Variants in GRID1 observed in about 807,000 individuals in gnomAD.
The protein encoded by GRID1 is glutamate receptor ionotropic, delta-1.
A neutral mutation model predicts 98.0 loss-of-function variants in GRID1; 28 were observed. The observed-to-expected ratio is 0.29, with a 90% CI of 0.21 to 0.39. The LOEUF is 0.39. GRID1 is among the 10% of genes least tolerant of loss of function. The pLI, the probability that GRID1 is intolerant of heterozygous loss-of-function variation, is 1.00. For synonymous variants in GRID1, 553 were observed against 538.5 expected (o/e 1.03, Z -0.37); for missense variants, 1,111 against 1,340.5 (o/e 0.83, Z 2.67).
rs530574128 is a variant in GRID1 at position 86,345,589 on chromosome 10, T to A, written c.235+18352A>T. Among the ~76,000 whole-genome samples the A allele has an allele frequency of 5.9e-5, 9 of 152,272 alleles. 1 individual carries two copies. The highest frequency in any genetic ancestry group is 2.2e-4 in the African/African-American group (9 of 41,552). ...GGGATCCTCAGGGAGCGGCCCTGAA[T>A]CCAGAGCACAGATGCCTGCAGAGGC... On this transcript the variant is annotated intron_variant, in intron 2 of 15. Transcript: ENST00000327946.
chr10:85,926,503 C>G (rs553464081), intron 4 of GRID1, among the ~76,000 whole-genome samples: 1 of 152,294 alleles, frequency 6.6e-6, no homozygotes, highest in African/African-American at 2.4e-5. Context: ...TGGCCAAGAG[C>G]TTAGTTTTTC....
intron 5 of GRID1, among the ~76,000 whole-genome samples, chr10:85,881,913 C>A (rs35782807): frequency 0.25 from 37,936 of 151,630 alleles, 4,841 homozygotes; most frequent in African/African-American, 0.29. Context: ...ACAAGAACTC[C>A]AACAAATTTA....
intron 6 of GRID1, among the ~76,000 whole-genome samples, chr10:85,861,363 C>T (rs12244875): frequency 1.2e-3 from 189 of 152,338 alleles, no homozygotes; most frequent in African/African-American, 4.3e-3. Flanking sequence ...CTCCTCCAGG[C>T]CCCAGCAGCA....
At chr10:86,178,376 G>A (rs868266335) in intron 3 of GRID1, among the ~76,000 whole-genome samples, 1 of 152,180 alleles carries the variant, frequency 6.6e-6, no homozygotes, top group African/African-American at 2.4e-5. Context: ...GAGGACAGGG[G>A]GAGAAGAAGC....
intron 2 of GRID1, among the ~76,000 whole-genome samples, chr10:86,300,864 C>A (rs919598276): frequency 1.3e-5 from 2 of 152,098 alleles, no homozygotes; most frequent in African/African-American, 4.8e-5. Context: ...GTCCGGGAAG[C>A]CTGGGCTAGG....
intron 4 of GRID1, among the ~76,000 whole-genome samples, chr10:85,980,760 G>A (rs1842535176): frequency 6.6e-6 from 1 of 152,170 alleles, no homozygotes; most frequent in Admixed American, 6.5e-5. Flanking sequence ...ATGAATTGAG[G>A]CCCAAACTTG....
chr10:86,245,521 T>TGCTTTACTCCATTCCTCCTCTACCATTC (rs1564717426), intron 2 of GRID1, among the ~76,000 whole-genome samples: 1 of 13,218 alleles, frequency 7.6e-5, no homozygotes, highest in East Asian at 4.7e-4. Flanking sequence ...CTCTACCATT[T>TGCTTTACTCCATTCCTCCTCTACCATTC]GCTTTACTCC....
intron 2 of GRID1, among the ~76,000 whole-genome samples, chr10:86,219,407 C>T (rs1248480254): frequency 2.0e-5 from 3 of 152,232 alleles, no homozygotes; most frequent in Admixed American, 6.5e-5. Flanking sequence ...GGTCCCTCTT[C>T]AAGGGCCATC....
At chr10:86,342,144 T>G (rs892945128) in intron 2 of GRID1, among the ~76,000 whole-genome samples, 6 of 152,128 alleles carry the variant, frequency 3.9e-5, no homozygotes, top group Non-Finnish European at 7.4e-5. Flanking sequence ...TGAAGGACCC[T>G]CAGTCAGTGG....
At chr10:85,878,753 C>A (rs964100767) in intron 5 of GRID1, among the ~76,000 whole-genome samples, 1 of 151,988 alleles carries the variant, frequency 6.6e-6, no homozygotes, top group Non-Finnish European at 1.5e-5. Flanking sequence ...ATGACAGGAT[C>A]AAATTCACAC....
At chr10:86,268,217 A>G (rs1466717978) in intron 2 of GRID1, among the ~76,000 whole-genome samples, 1 of 152,118 alleles carries the variant, frequency 6.6e-6, no homozygotes, top group Admixed American at 6.5e-5. Context: ...ATGCTCCCCA[A>G]CTCCTCAGAG....
intron 4 of GRID1, among the ~76,000 whole-genome samples, chr10:86,098,658 T>C (rs1336320977): frequency 6.6e-6 from 1 of 152,232 alleles, no homozygotes; most frequent in Non-Finnish European, 1.5e-5. Context: ...AAGTGTTCAT[T>C]TTACCAAAGT....
chr10:86,151,217 G>T (rs1845163931), intron 3 of GRID1, among the ~76,000 whole-genome samples: 1 of 152,128 alleles, frequency 6.6e-6, no homozygotes, highest in African/African-American at 2.4e-5. Flanking sequence ...AGGCAGGTTT[G>T]CAAACCCCAT....
chr10:86,239,056 A>G (rs547020381), intron 2 of GRID1, among the ~76,000 whole-genome samples: 32 of 152,352 alleles, frequency 2.1e-4, no homozygotes, highest in African/African-American at 7.2e-4. Flanking sequence ...GAAAAGCCAC[A>G]GGCACTCAAC....
chr10:86,184,856 A>G (rs1845706992), intron 3 of GRID1, among the ~76,000 whole-genome samples: 2 of 152,206 alleles, frequency 1.3e-5, no homozygotes, highest in South Asian at 4.1e-4. Context: ...ATAAACTAGC[A>G]ATGGACAATT....
chr10:86,027,753 TAC>T (rs1843134296), intron 4 of GRID1, among the ~76,000 whole-genome samples: 1 of 152,226 alleles, frequency 6.6e-6, no homozygotes, highest in Non-Finnish European at 1.5e-5. Context: ...TTGTTTTGCC[TAC>T]ACATCAGACA....
intron 4 of GRID1, among the ~76,000 whole-genome samples, chr10:86,036,790 T>G (rs1053357005): frequency 5.3e-5 from 8 of 152,212 alleles, no homozygotes; most frequent in Non-Finnish European, 1.2e-4. Context: ...CACACACTTG[T>G]GACCCAGGTA....
At chr10:86,120,041 C>T (rs905547882) in intron 4 of GRID1, among the ~76,000 whole-genome samples, 2 of 151,976 alleles carry the variant, frequency 1.3e-5, no homozygotes, top group Admixed American at 6.6e-5. Context: ...CCTCATGATC[C>T]ACCCACCTTG....
intron 4 of GRID1, among the ~76,000 whole-genome samples, chr10:85,935,187 G>A (rs1176509947): frequency 1.3e-5 from 2 of 152,168 alleles, no homozygotes; most frequent in East Asian, 1.9e-4. Context: ...AGATGCTGGA[G>A]ATGTTTCCTT....
Sources: gnomAD v4.1 joint callset for allele counts (sites outside exome capture counted in the v4.1 genomes callset) on GRCh38, gnomAD v4.1.1 for gene constraint, MANE v1.5 for transcripts, NCBI Gene and HGNC (gene_info 2026-07-23, HGNC 2026-07-21) for gene names.